LRRC49: variants seen among roughly 807,000 people sequenced by gnomAD.
LRRC49 encodes the protein leucine rich repeat containing 49.
A neutral mutation model predicts 83.3 loss-of-function variants in LRRC49; 50 were observed. That is an observed-to-expected ratio of 0.60 (90% CI 0.48 to 0.76). The LOEUF is 0.76. Ranked by LOEUF, LRRC49 falls within the 30% of genes least tolerant of loss-of-function variation. LRRC49 has a pLI of 0.00. For synonymous variants in LRRC49, 286 were observed against 283.3 expected, an observed-to-expected ratio of 1.01 and a Z score of -0.10; for missense variants, 704 against 809.1, an observed-to-expected ratio of 0.87 and a Z score of 1.58.
At chr15:70,942,794 C>T (rs1357634052) in intron 8 of LRRC49, among the ~76,000 whole-genome samples, 1 of 152,026 alleles carries the variant, frequency 6.6e-6, no homozygotes, top group African/African-American at 2.4e-5. Context: ...TCCAGAAAGG[C>T]GGGACAACTC....
intron 9 of LRRC49, among the ~76,000 whole-genome samples, chr15:70,970,842 A>AT (rs1383989683): frequency 6.6e-6 from 1 of 151,994 alleles, no homozygotes; most frequent in Non-Finnish European, 1.5e-5. Context: ...CCCCTTTATC[A>AT]TTTTTTATTG....
At chr15:70,962,856 A>G (rs2036652707) in intron 8 of LRRC49, among the ~76,000 whole-genome samples, 1 of 152,164 alleles carries the variant, frequency 6.6e-6, no homozygotes, top group African/African-American at 2.4e-5. Context: ...ATAGTTGAGT[A>G]TGAAAAGGAG....
At chr15:70,860,073 G>A (rs1252642868) in intron 1 of LRRC49, 100 of 729,850 alleles carry the variant, frequency 1.4e-4, no homozygotes, top group Non-Finnish European at 3.0e-5. Context: ...TCCTTCAGCC[G>A]CACCGGCTCC....
upstream of LRRC49, among the ~76,000 whole-genome samples, chr15:70,889,733 A>G (rs891133210): frequency 6.6e-5 from 10 of 152,226 alleles, no homozygotes; most frequent in African/African-American, 2.4e-4. Context: ...TATAGCACCA[A>G]GCACCCAGAA....
At chr15:70,903,579 A>G (rs1382840380) in intron 4 of LRRC49, among the ~76,000 whole-genome samples, 1 of 151,774 alleles carries the variant, frequency 6.6e-6, no homozygotes, top group Non-Finnish European at 1.5e-5. Flanking sequence ...TCATAGTTTC[A>G]CTTATGCTAG....
At chr15:71,037,120 G>T (rs1392891263) in intron 14 of LRRC49, 59 bp from the exon 15 acceptor site, 2 of 1,187,838 alleles carry the variant, frequency 1.7e-6, no homozygotes, top group South Asian at 1.4e-5. Flanking sequence ...ACAAAAAATA[G>T]ACATGTTTTA....
At chr15:70,864,685 CAG>C (rs2032872935) in intron 1 of LRRC49, among the ~76,000 whole-genome samples, 1 of 152,178 alleles carries the variant, frequency 6.6e-6, no homozygotes, top group Admixed American at 6.5e-5. Flanking sequence ...AGATATCACT[CAG>C]GGGAACTTTT....
intron 1 of LRRC49, among the ~76,000 whole-genome samples, chr15:70,863,568 C>T (rs1047525184): frequency 1.3e-5 from 2 of 152,224 alleles, no homozygotes; most frequent in Non-Finnish European, 1.5e-5. Flanking sequence ...AAAATCCCTA[C>T]AGGAGGGACT....
At chr15:70,986,576 A>G (rs1322161859) in intron 11 of LRRC49, among the ~76,000 whole-genome samples, 7 of 152,104 alleles carry the variant, frequency 4.6e-5, no homozygotes, top group African/African-American at 4.8e-5. Context: ...CATGTCATCT[A>G]CAAACAGGGA....
chr15:70,866,114 GTATTTATTTATTTATT>G (rs71880311), intron 1 of LRRC49, among the ~76,000 whole-genome samples: 1,894 of 142,138 alleles, frequency 0.013, 37 homozygotes, highest in African/African-American at 0.045. Flanking sequence ...TACATGTAAA[GTATTTATTTATTTATT>G]TATTTATTTA....
intron 5 of LRRC49, among the ~76,000 whole-genome samples, chr15:70,910,021 C>T (rs1047662021): frequency 1.6e-4 from 25 of 151,966 alleles, no homozygotes; most frequent in Non-Finnish European, 1.8e-4. Flanking sequence ...CCAGTGAGTC[C>T]GGAAGAATGC....
chr15:71,010,707 T>C (rs1013549155), intron 13 of LRRC49, among the ~76,000 whole-genome samples: 1 of 151,692 alleles, frequency 6.6e-6, no homozygotes, highest in Non-Finnish European at 1.5e-5. Context: ...CACAAGGTAA[T>C]CCCCCAGCTA....
chr15:70,948,665 C>T (rs1024609690), intron 8 of LRRC49, among the ~76,000 whole-genome samples: 1 of 152,048 alleles, frequency 6.6e-6, no homozygotes, highest in Non-Finnish European at 1.5e-5. Context: ...ACAAGATGTT[C>T]CAGGCTCATC....
At chr15:70,979,001 C>G (rs2037306080) in intron 9 of LRRC49, among the ~76,000 whole-genome samples, 1 of 151,936 alleles carries the variant, frequency 6.6e-6, no homozygotes, top group Non-Finnish European at 1.5e-5. Flanking sequence ...TTATGGTTTC[C>G]TGTCTCTGAA....
chr15:70,955,687 T>A (rs1368166620), intron 8 of LRRC49, among the ~76,000 whole-genome samples: 1 of 152,208 alleles, frequency 6.6e-6, no homozygotes, highest in Non-Finnish European at 1.5e-5. Context: ...TTACCTCTCT[T>A]GGTTCCTACG....
chr15:70,927,458 AT>A (rs1457954166), intron 7 of LRRC49, among the ~76,000 whole-genome samples: 1 of 152,036 alleles, frequency 6.6e-6, no homozygotes, highest in East Asian at 1.9e-4. Flanking sequence ...TGTTTTTGAT[AT>A]GTAGAAACTT....
chr15:70,934,243 C>A (rs1224416596), intron 7 of LRRC49, among the ~76,000 whole-genome samples: 1 of 152,052 alleles, frequency 6.6e-6, no homozygotes, highest in Non-Finnish European at 1.5e-5. Flanking sequence ...ATAATTGATA[C>A]GGTAAATACG....
chr15:70,950,357 C>A (rs1371863674), intron 8 of LRRC49, among the ~76,000 whole-genome samples: 3 of 152,032 alleles, frequency 2.0e-5, no homozygotes, highest in Non-Finnish European at 4.4e-5. Flanking sequence ...GTTTTAAGTT[C>A]TTTGAGGAAT....
intron 8 of LRRC49, among the ~76,000 whole-genome samples, chr15:70,951,382 C>G (rs2036212138): frequency 6.6e-6 from 1 of 152,046 alleles, no homozygotes; most frequent in South Asian, 2.1e-4. Flanking sequence ...GTTGATTCTT[C>G]TTATCCTTGA....
Sources: gnomAD v4.1 joint callset for allele counts (sites outside exome capture counted in the v4.1 genomes callset) on GRCh38, gnomAD v4.1.1 for gene constraint, MANE v1.5 for transcripts, NCBI Gene and HGNC (gene_info 2026-07-23, HGNC 2026-07-21) for gene names.